The following TANK variants were observed in gnomAD, a reference collection of about 807,000 sequenced individuals.
The protein encoded by TANK is TRAF family member associated NFKB activator, also known as TRAF family member-associated NF-kappa-B activator.
A neutral mutation model predicts 43.6 loss-of-function variants in TANK; 15 were observed. The observed-to-expected ratio is 0.34, with a 90% confidence interval of 0.23 to 0.53. The LOEUF (loss-of-function observed/expected upper bound fraction) is 0.53. Ranked by LOEUF, TANK falls within the 20% of genes least tolerant of loss-of-function variation. The probability of loss-of-function intolerance (pLI) is 0.94; values close to 1 mark genes in which losing one functional copy is unlikely to be tolerated. For synonymous variants in TANK, 162 were observed against 178.2 expected (o/e 0.91, Z 0.73); for missense variants, 417 against 498.6 (o/e 0.84, Z 1.56).
intron 2 of TANK, among the ~76,000 whole-genome samples, chr2:161,195,311 A>G (rs188809642): frequency 7.0e-4 from 106 of 152,290 alleles, no homozygotes; most frequent in Non-Finnish European, 1.2e-3. Flanking sequence ...TAATCAAACA[A>G]TCTCACAAAT....
intron 1 of TANK, among the ~76,000 whole-genome samples, chr2:161,150,589 CTT>C (rs989283972): frequency 1.5e-4 from 18 of 121,472 alleles, no homozygotes; most frequent in Non-Finnish European, 1.7e-4. Context: ...TCTTCTTCTT[CTT>C]TTTTTTTTTT....
At chr2:161,156,923 T>C (rs1383604338), upstream of TANK, among the ~76,000 whole-genome samples, 2 of 152,218 alleles carry the variant, frequency 1.3e-5, no homozygotes, top group Non-Finnish European at 2.9e-5. Context: ...CACCCAGTTC[T>C]GTCTGCCCAA....
upstream of TANK, chr2:161,156,429 C>A: frequency 2.2e-6 from 2 of 911,520 alleles, no homozygotes; most frequent in Non-Finnish European, 2.6e-6. Flanking sequence ...TCATGTATTT[C>A]ATCTCTTTTT....
At chr2:161,153,847 A>C (rs1042651149) in intron 1 of TANK, among the ~76,000 whole-genome samples, 8 of 152,158 alleles carry the variant, frequency 5.3e-5, no homozygotes, top group African/African-American at 1.9e-4. Flanking sequence ...TTGACAGGAA[A>C]AGAAACTGAG....
intron 4 of TANK, among the ~76,000 whole-genome samples, chr2:161,213,018 G>A (rs1183560631): frequency 1.3e-5 from 2 of 152,232 alleles, no homozygotes; most frequent in Non-Finnish European, 2.9e-5. Context: ...ATCCCATGAT[G>A]AGAGAGGAAG....
At chr2:161,138,655 T>C (rs946954292) in intron 1 of TANK, among the ~76,000 whole-genome samples, 1 of 152,214 alleles carries the variant, frequency 6.6e-6, no homozygotes, top group Admixed American at 6.5e-5. Flanking sequence ...ATACCCAGTC[T>C]AACCTGCCTT....
chr2:161,142,914 C>T (rs559502922), intron 1 of TANK, among the ~76,000 whole-genome samples: 4 of 152,084 alleles, frequency 2.6e-5, no homozygotes, highest in East Asian at 3.9e-4. Context: ...TTACTTTAGG[C>T]GGTATGGCCA....
chr2:161,170,274 GAGAAAACATTTGTTTTCTCTATTAATTA>G (rs1359273067), intron 1 of TANK, among the ~76,000 whole-genome samples: 3 of 152,144 alleles, frequency 2.0e-5, no homozygotes, highest in Non-Finnish European at 1.5e-5. Context: ...GCCATTAATA[GAGAAAACATTTGTTTTCTCTATTAATTA>G]AGTTGATGAG....
At chr2:161,183,723 TAAA>T (rs565107854) in intron 2 of TANK, among the ~76,000 whole-genome samples, 52 of 152,260 alleles carry the variant, frequency 3.4e-4, no homozygotes, top group South Asian at 8.3e-4. Flanking sequence ...TCTTGTATGT[TAAA>T]ATCAAAATAT....
At chr2:161,184,598 A>G (rs1685574624) in intron 2 of TANK, among the ~76,000 whole-genome samples, 1 of 152,136 alleles carries the variant, frequency 6.6e-6, no homozygotes, top group South Asian at 2.1e-4. Flanking sequence ...TGGGGAAAAG[A>G]TTTAAGGTTT....
At chr2:161,234,468 G>A (rs1489308154) in intron 7 of TANK, among the ~76,000 whole-genome samples, 1 of 152,118 alleles carries the variant, frequency 6.6e-6, no homozygotes, top group Non-Finnish European at 1.5e-5. Flanking sequence ...CCAGTTAACA[G>A]ACATCTATTG....
intron 6 of TANK, among the ~76,000 whole-genome samples, chr2:161,229,749 G>C (rs1456058801): frequency 6.6e-6 from 1 of 152,188 alleles, no homozygotes; most frequent in African/African-American, 2.4e-5. Context: ...TATACCTTGT[G>C]TTCTGTATAC....
upstream of TANK, among the ~76,000 whole-genome samples, chr2:161,157,557 A>T (rs565650224): frequency 9.2e-5 from 14 of 152,364 alleles, no homozygotes; most frequent in African/African-American, 3.1e-4. Context: ...GTGATATTGC[A>T]CATCAAAGAT....
At chr2:161,138,859 G>A (rs776763212) in intron 1 of TANK, among the ~76,000 whole-genome samples, 8 of 152,212 alleles carry the variant, frequency 5.3e-5, no homozygotes, top group Non-Finnish European at 7.3e-5. Context: ...TTATAGCATA[G>A]AAACTTCCTG....
At chr2:161,190,205 A>G (rs1361179321) in intron 2 of TANK, among the ~76,000 whole-genome samples, 1 of 152,238 alleles carries the variant, frequency 6.6e-6, no homozygotes, top group Non-Finnish European at 1.5e-5. Flanking sequence ...GCCAATAAGC[A>G]TATGAAAAGA....
chr2:161,193,976 A>G lies in TANK; in HGVS notation c.100-9511A>G, dbSNP rs549264681. Among the ~76,000 whole-genome samples the G allele has an allele frequency of 6.6e-5, 10 of 152,312 alleles. No homozygotes were observed. In the East Asian group the frequency reaches 1.9e-3, roughly 29 times the overall value. ...ACGCCAAAATTGCCTGGAGAGTTTC[A>G]AGTATCACAAGACTCCATAATATGG... On this transcript the variant is annotated intron_variant, in intron 2 of 7. Coordinates refer to ENST00000392749, the MANE Select transcript of TANK (RefSeq NM_001199135.3).
chr2:161,163,927 T>A (rs1173640322), intron 1 of TANK, among the ~76,000 whole-genome samples: 1 of 152,188 alleles, frequency 6.6e-6, no homozygotes, highest in Non-Finnish European at 1.5e-5. Flanking sequence ...TAAATGATTA[T>A]TTCAAATGCT....
chr2:161,196,108 A>T (rs1207967306), intron 2 of TANK, among the ~76,000 whole-genome samples: 2 of 152,190 alleles, frequency 1.3e-5, no homozygotes, highest in Non-Finnish European at 2.9e-5. Context: ...AAAGATAAAT[A>T]AAATTGATAC....
rs765922316 is a variant in TANK, at chr2:161,223,951, A to G, written c.364A>G (p.Thr122Ala). Residue 122 changes from threonine (T) to alanine (A), a missense_variant, in exon 5 of 8, where the codon ACT becomes GCT. Physicochemically the swap from Thr to Ala is moderately conservative, Grantham distance 58 (BLOSUM62 0). Transcript: ENST00000392749. The part of the protein sequence containing the change: ...RQEVSSPRKE[T>A]SARSLGSPLL... ...AGAGGTTTCTTCTCCTAGAAAAGAA[A>G]CTTCAGCAAGGAGTCTTGGCAGTCC... 101 of 1,602,434 alleles carry G rather than the reference A, an allele frequency of 6.3e-5. 1 individual carries two copies. The highest frequency in any genetic ancestry group is 4.3e-6 in the Non-Finnish European group (5 of 1,172,446).
Sources: allele counts gnomAD v4.1 joint callset (sites outside exome capture counted in the v4.1 genomes callset), GRCh38; gene constraint gnomAD v4.1.1; transcripts MANE v1.5; gene names NCBI Gene and HGNC (gene_info 2026-07-23, HGNC 2026-07-21).